The following SRRM4 variants were observed in gnomAD, a reference collection of about 807,000 sequenced individuals.
SRRM4 encodes the protein serine/arginine repetitive matrix 4, also known as serine/arginine repetitive matrix protein 4.
Under a neutral mutation model 68.9 loss-of-function variants are expected in SRRM4, and 33 were observed. The ratio of observed to expected loss-of-function variants is 0.48; its 90% confidence interval spans 0.36 to 0.64. The LOEUF (loss-of-function observed/expected upper bound fraction) is 0.64, where lower values mean the gene tolerates loss of function less well. Ranked by LOEUF, SRRM4 falls within the 30% of genes least tolerant of loss-of-function variation. The pLI, the probability that SRRM4 is intolerant of heterozygous loss-of-function variation, is 0.00. For missense variants in SRRM4, 817 were observed against 827.1 expected, an observed-to-expected ratio of 0.99 and a Z score of 0.15; for synonymous variants, 318 against 318.8, an observed-to-expected ratio of 1.00 and a Z score of 0.03.
rs1253583986 is a variant in SRRM4, at chr12:119,162,314, G to T, written c.*5516G>T. The T allele has an allele frequency of 6.6e-6, 1 of 152,194 alleles. No individual in the cohort carries two copies. The highest frequency in any genetic ancestry group is 6.5e-5 in the Admixed American group (1 of 15,290). The allele number at this position is 152,194 out of a possible 1,614,324, so 9.4% of individuals were successfully genotyped here. On this transcript the variant is annotated 3_prime_UTR_variant, in exon 13 of 13. Transcript: ENST00000267260. ...AGTTGCTGTCACCTTGATAACTCTT[G>T]TATCCTGGGTTAAAGCCCTCTGTAT...
At chr12:119,155,354 C>T (rs1954465296) in intron 12 of SRRM4, among the ~76,000 whole-genome samples, 1 of 152,324 alleles carries the variant, frequency 6.6e-6, no homozygotes, top group African/African-American at 2.4e-5. Flanking sequence ...ACTGAGGAAT[C>T]AGGGATTCTC....
At chr12:119,085,928 T>A (rs1055034421) in intron 1 of SRRM4, among the ~76,000 whole-genome samples, 21 of 152,096 alleles carry the variant, frequency 1.4e-4, no homozygotes, top group African/African-American at 3.6e-4. Context: ...GAGGACACTT[T>A]GTAAGGCAGG....
intron 1 of SRRM4, among the ~76,000 whole-genome samples, chr12:119,090,363 C>A (rs777431920): frequency 6.6e-6 from 1 of 152,080 alleles, no homozygotes; most frequent in Non-Finnish European, 1.5e-5. Context: ...AGTGAGGAAG[C>A]AGGATAGGAC....
chr12:119,153,458 C>G (rs1954451408), intron 10 of SRRM4, 81 bp from the exon 11 acceptor site: 4 of 923,706 alleles, frequency 4.3e-6, no homozygotes, highest in Non-Finnish European at 6.8e-6. Context: ...CCCAGGGACC[C>G]GCTGAATAAA....
intron 1 of SRRM4, among the ~76,000 whole-genome samples, chr12:119,016,929 C>G (rs1594028407): frequency 6.6e-6 from 1 of 152,168 alleles, no homozygotes; most frequent in African/African-American, 2.4e-5. Context: ...GTTTTCTCAT[C>G]TGTAGAATGG....
chr12:119,114,436 C>T, intron 3 of SRRM4, 72 bp downstream of exon 3: 8 of 1,252,888 alleles, frequency 6.4e-6, no homozygotes, highest in Admixed American at 4.0e-5. Flanking sequence ...CAAAGTCAGA[C>T]AGTGGCTCCC....
intron 1 of SRRM4, among the ~76,000 whole-genome samples, chr12:119,024,112 A>G (rs530942062): frequency 2.0e-5 from 3 of 152,044 alleles, no homozygotes; most frequent in Non-Finnish European, 4.4e-5. Flanking sequence ...GGACTGTTTG[A>G]CTTTCTCTCT....
chr12:119,094,748 T>G (rs1469368140), intron 1 of SRRM4, among the ~76,000 whole-genome samples: 1 of 152,236 alleles, frequency 6.6e-6, no homozygotes, highest in East Asian at 1.9e-4. Flanking sequence ...AGCCTCTCTC[T>G]ATCAGAGAAC....
chr12:119,009,314 G>C (rs1250126722), intron 1 of SRRM4, among the ~76,000 whole-genome samples: 5 of 152,080 alleles, frequency 3.3e-5, no homozygotes, highest in Admixed American at 2.6e-4. Flanking sequence ...TAGAGAATCC[G>C]GGCCAAGAAA....
At chr12:119,022,349 T>C (rs1953521495) in intron 1 of SRRM4, among the ~76,000 whole-genome samples, 2 of 152,200 alleles carry the variant, frequency 1.3e-5, no homozygotes, top group Non-Finnish European at 2.9e-5. Flanking sequence ...CTGGTCTAGA[T>C]GCTAAGGATT....
At chr12:119,048,789 G>GACTATA (rs1953723616) in intron 1 of SRRM4, among the ~76,000 whole-genome samples, 1 of 152,126 alleles carries the variant, frequency 6.6e-6, no homozygotes, top group African/African-American at 2.4e-5. Context: ...GTCTGGCATG[G>GACTATA]TAGCACTTGC....
intron 1 of SRRM4, among the ~76,000 whole-genome samples, chr12:119,097,568 C>T (rs1336661585): frequency 6.6e-6 from 1 of 152,164 alleles, no homozygotes; most frequent in Admixed American, 6.5e-5. Flanking sequence ...AGGTGGGATA[C>T]CCAACACCAG....
chr12:119,074,203 G>A (rs532488930), intron 1 of SRRM4, among the ~76,000 whole-genome samples: 169 of 35,714 alleles, frequency 4.7e-3, no homozygotes, highest in Non-Finnish European at 8.6e-3. Flanking sequence ...AAAGGGAAAC[G>A]GTGAAAAAAA....
At chr12:119,063,618 A>G (rs1953827761) in intron 1 of SRRM4, among the ~76,000 whole-genome samples, 1 of 152,200 alleles carries the variant, frequency 6.6e-6, no homozygotes. Context: ...GAGTAAATGC[A>G]ATCCTATTTT....
chr12:119,015,304 C>T (rs1389367153), intron 1 of SRRM4, among the ~76,000 whole-genome samples: 1 of 152,206 alleles, frequency 6.6e-6, no homozygotes, highest in Non-Finnish European at 1.5e-5. Context: ...GAGCAGCCAT[C>T]ACCTCTTCAA....
chr12:119,050,446 C>T (rs542943642), intron 1 of SRRM4, among the ~76,000 whole-genome samples: 2 of 152,346 alleles, frequency 1.3e-5, no homozygotes, highest in South Asian at 4.1e-4. Context: ...TAAACAAATT[C>T]ATCCTGATGC....
At chr12:119,025,522 G>A (rs914827709) in intron 1 of SRRM4, among the ~76,000 whole-genome samples, 2 of 151,896 alleles carry the variant, frequency 1.3e-5, no homozygotes, top group Admixed American at 6.6e-5. Flanking sequence ...TTGGCTCACC[G>A]CAACCTCTGC....
chr12:119,108,941 T>G (rs1954125393), intron 2 of SRRM4, among the ~76,000 whole-genome samples: 1 of 152,226 alleles, frequency 6.6e-6, no homozygotes, highest in South Asian at 2.1e-4. Flanking sequence ...ATTTGGCATG[T>G]TTTTGCAGTG....
chr12:118,994,286 A>G (rs913813550), intron 1 of SRRM4: 3 of 151,904 alleles, frequency 2.0e-5, no homozygotes, highest in African/African-American at 4.8e-5. Context: ...TAACAAGCCA[A>G]CTCTCAAACT....
Sources: gnomAD v4.1 joint callset for allele counts (sites outside exome capture counted in the v4.1 genomes callset) on GRCh38, gnomAD v4.1.1 for gene constraint, MANE v1.5 for transcripts, NCBI Gene and HGNC (gene_info 2026-07-23, HGNC 2026-07-21) for gene names.